Variants in CARD14 observed in about 807,000 individuals in gnomAD.
The protein encoded by CARD14 is caspase recruitment domain-containing protein 14.
In CARD14, 107 loss-of-function variants were observed where a neutral mutation model predicts 111.5. The observed-to-expected ratio is 0.96, with a 90% CI of 0.82 to 1.13. The LOEUF (loss-of-function observed/expected upper bound fraction) is 1.13, where lower values mean the gene tolerates loss of function less well. Ranked by LOEUF, CARD14 falls within the 50% of genes most tolerant of loss-of-function variation. The pLI is 0.00. For missense variants in CARD14, 1,322 were observed against 1,362.3 expected, an observed-to-expected ratio of 0.97 and a Z score of 0.47; for synonymous variants, 617 against 579.6, an observed-to-expected ratio of 1.06 and a Z score of -0.93.
At position 80,195,365 on chromosome 17, in the gene CARD14, G is replaced by C. The variant is rs1315326102; in HGVS notation, c.1499+32G>C. The stretch of plus-strand genomic sequence containing the variant: ...CACTGGGGTCCTTCCTGGCACTGGG[G>C]TGGCACTGGGGTCCTTCCTGGCAAC... On this transcript the variant is annotated intron_variant, in intron 13 of 23. Transcript: ENST00000648509. This position sits in a 1 kb window ranked among gnomAD's most constrained non-coding sequence, Gnocchi z 4.7. 7 of 1,590,554 alleles carry C rather than the reference G, an allele frequency of 4.4e-6. No individual in the cohort carries two copies. Among genetic ancestry groups the C allele is most frequent in the Admixed American group, 1.7e-5 (1 of 58,432 alleles).
intron 16 of CARD14, among the ~76,000 whole-genome samples, chr17:80,199,148 T>G (rs574450174): frequency 1.1e-4 from 16 of 152,232 alleles, no homozygotes; most frequent in African/African-American, 2.6e-4. Flanking sequence ...AAAACTTTTT[T>G]TTGTTGTTGT....
rs180679924 is a variant in CARD14 at position 80,208,866 on chromosome 17, T to C, written c.*521T>C. 1.1e-3 allele frequency: 161 copies of C among 152,638 alleles called. No individual in the cohort carries two copies. The Middle Eastern group carries it at 0.014, about 13-fold the overall frequency. The allele number at this position is 152,638 out of a possible 1,614,324, so 9.5% of individuals were successfully genotyped here. A position where few individuals can be genotyped will look rare whatever the true frequency, so the allele number is the denominator to read the frequency against. ...CAGAAGCCCACATATGCTGTGACGCTGGCCACCTTTTCTCAGCTTCTGAGG... is the reference window on the plus strand; with the variant it reads ...CAGAAGCCCACATATGCTGTGACGCCGGCCACCTTTTCTCAGCTTCTGAGG... On this transcript the variant is annotated 3_prime_UTR_variant, in exon 24 of 24. Transcript: ENST00000648509.
intron 23 of CARD14, among the ~76,000 whole-genome samples, chr17:80,207,902 G>A (rs2041428118): frequency 6.6e-6 from 1 of 152,048 alleles, no homozygotes; most frequent in African/African-American, 2.4e-5. Flanking sequence ...TGGTTTCCTG[G>A]GGACAGACCA....
At position 80,184,141 on chromosome 17, in the gene CARD14, G is replaced by A. The variant is rs1377507271; in HGVS notation, c.578G>A (p.Arg193Lys). 4 of 1,568,178 alleles carry A rather than the reference G, an allele frequency of 2.6e-6. No individual in the cohort carries two copies. The highest frequency in any genetic ancestry group is 3.5e-6 in the Non-Finnish European group (4 of 1,156,864). The change falls in exon 7 of 24, where the codon AGG (arginine) becomes AAG (lysine). Residue 193 changes from arginine to lysine, a missense_variant. Physicochemically the swap from Arg to Lys is conservative, Grantham distance 26. Coordinates refer to ENST00000648509, the MANE Select transcript of CARD14 (RefSeq NM_001366385.1). ...EVSAHFHEVLRLKDEMLSLSL... is the reference protein window; with the variant it reads ...EVSAHFHEVLKLKDEMLSLSL... ...AGCGCACACTTCCATGAGGTGCTGA[G>A]GCTGAAGGACGAGATGCTCAGCCTC...
intron 10 of CARD14, among the ~76,000 whole-genome samples, 161 bp downstream of exon 10, chr17:80,191,060 G>C (rs769480840): frequency 9.2e-5 from 14 of 152,156 alleles, no homozygotes; most frequent in Non-Finnish European, 1.5e-4. Context: ...ACTCCTCCAG[G>C]CCTGTTGTCC....
At chr17:80,186,772 A>G (rs1263284188) in intron 7 of CARD14, among the ~76,000 whole-genome samples, 1 of 151,690 alleles carries the variant, frequency 6.6e-6, no homozygotes, top group African/African-American at 2.4e-5. Flanking sequence ...CTGGTCTCAA[A>G]CTCCTGACCT....
chr17:80,205,869 C>G (rs2144579838), intron 22 of CARD14: 1 of 473,986 alleles, frequency 2.1e-6, no homozygotes, highest in African/African-American at 2.0e-5. Context: ...CCTTGAATCT[C>G]AGTTTCCTCA....
chr17:80,207,827 GC>G (rs2144628358), intron 23 of CARD14: 1 of 313,532 alleles, frequency 3.2e-6, no homozygotes, highest in African/African-American at 2.1e-5. Context: ...ACTTACTGGT[GC>G]TTGGCTAGCA....
intron 18 of CARD14, chr17:80,202,760 C>T: frequency 2.6e-6 from 1 of 385,914 alleles, no homozygotes; most frequent in Non-Finnish European, 4.2e-6. Flanking sequence ...CCCTGGCCGC[C>T]CTACCCAGGA....
rs1870847966 is a variant in CARD14, at chr17:80,191,265, TA to T, written c.1090-57del. On this transcript the variant is annotated intron_variant, in intron 10 of 23. Coordinates refer to ENST00000648509, the MANE Select transcript of CARD14 (RefSeq NM_001366385.1). ...GGCTAGAAACAGGGCTCTCCTTCTC[TA>T]GCTGAGGCTCCCCGGTGGTGATGGC... 1.3e-5 allele frequency: 20 copies of T among 1,582,568 alleles called. No individual in the cohort carries two copies. The South Asian group carries it at 2.1e-4, about 17-fold the overall frequency.
intron 18 of CARD14, 184 bp downstream of exon 18, chr17:80,202,604 T>C (rs1214051318): frequency 1.4e-6 from 2 of 1,428,360 alleles, no homozygotes; most frequent in Non-Finnish European, 1.8e-6. Flanking sequence ...ATGCTTTATA[T>C]ATTGCAAATG....
chr17:80,198,385 C>A lies in CARD14; in HGVS notation c.1659-14C>A. On this transcript the variant is annotated splice_polypyrimidine_tract_variant and intron_variant, in intron 15 of 23. Transcript: ENST00000648509. The surrounding 1 kb of genome is among the most constrained non-coding windows in gnomAD (Gnocchi z 7.5). ...TCTGGGCAGTGCACAAGCCGGTCGT[C>A]TCCCGGCCTGCAGCGGCGTCCTCAT... 1 of 1,590,524 alleles carries A rather than the reference C, an allele frequency of 6.3e-7. No individual in the cohort carries two copies. Among genetic ancestry groups the A allele is most frequent in the Non-Finnish European group, 8.6e-7 (1 of 1,165,760 alleles).
At chr17:80,204,527 G>T (rs928703088) in intron 20 of CARD14, 186 bp downstream of exon 20, 1 of 537,076 alleles carries the variant, frequency 1.9e-6, no homozygotes. Flanking sequence ...GGGAGGCTGA[G>T]GCAGGAGAAT....
At chr17:80,204,875 A>G in intron 20 of CARD14, 160 bp from the exon 21 acceptor site, 1 of 620,554 alleles carries the variant, frequency 1.6e-6, no homozygotes, top group Non-Finnish European at 2.7e-6. Context: ...GGGGCTATGG[A>G]ACTGGGAGTG....
intron 18 of CARD14, chr17:80,202,686 G>A (rs952094359): frequency 7.7e-6 from 9 of 1,171,880 alleles, no homozygotes; most frequent in South Asian, 1.8e-5. Context: ...TACCATGGAC[G>A]TTTGGGGCTG....
chr17:80,205,234 C>G, intron 21 of CARD14, 29 bp downstream of exon 21: 2 of 1,576,568 alleles, frequency 1.3e-6, no homozygotes, highest in Non-Finnish European at 1.7e-6. Flanking sequence ...ATCCCTCTAC[C>G]CCTTCCACCT....
chr17:80,196,268 C>A (rs376699518), intron 14 of CARD14: 4 of 152,276 alleles, frequency 2.6e-5, no homozygotes, highest in Non-Finnish European at 5.9e-5. Context: ...CCATGGCCAC[C>A]AGGGGGCGCA....
At position 80,195,178 on chromosome 17, in the gene CARD14, C is replaced by G. The variant is rs370393239; in HGVS notation, c.1357-13C>G. The G allele has an allele frequency of 6.3e-7, 1 of 1,590,370 alleles. No homozygotes were observed. The highest frequency in any genetic ancestry group is 8.6e-7 in the Non-Finnish European group (1 of 1,164,084). ...CGTGCGTGCCCCACTGACTTCTGCCCTCCCTCCTCCAGTCTCAGCTCTTGT... is the reference window on the plus strand; with the variant it reads ...CGTGCGTGCCCCACTGACTTCTGCCGTCCCTCCTCCAGTCTCAGCTCTTGT... On this transcript the variant is annotated splice_polypyrimidine_tract_variant and intron_variant, in intron 12 of 23. Transcript: ENST00000648509. The surrounding 1 kb of genome is among the most constrained non-coding windows in gnomAD (Gnocchi z 4.7).
rs2040999245 is a variant in CARD14 at position 80,201,926 on chromosome 17, T to G, written c.1978+56T>G. 6.5e-7 allele frequency: 1 copy of G among 1,549,458 alleles called. No homozygotes were observed. Among genetic ancestry groups the G allele is most frequent in the Admixed American group, 1.9e-5 (1 of 52,588 alleles). The stretch of plus-strand genomic sequence containing the variant: ...CTGCCTGGCCAGACTCCATGACCCT[T>G]AAGTCCCTGGTGGTTCTTCTGCACG... On this transcript the variant is annotated intron_variant, in intron 17 of 23. Coordinates refer to ENST00000648509, the MANE Select transcript of CARD14 (RefSeq NM_001366385.1). This position sits in a 1 kb window ranked among gnomAD's most constrained non-coding sequence, Gnocchi z 5.0.
Sources: allele counts gnomAD v4.1 joint callset (sites outside exome capture counted in the v4.1 genomes callset), GRCh38; gene constraint gnomAD v4.1.1; non-coding constraint Gnocchi (gnomAD v3.1); transcripts MANE v1.5; gene names NCBI Gene and HGNC (gene_info 2026-07-23, HGNC 2026-07-21).